Variants in TRAPPC4 observed in about 807,000 individuals in gnomAD.
TRAPPC4 encodes the protein trafficking protein particle complex subunit 4, also known as TRS23 homolog.
Under a neutral mutation model 23.5 loss-of-function variants are expected in TRAPPC4, and 30 were observed. That is an observed-to-expected ratio of 1.28 (90% CI 0.96 to 1.73). TRAPPC4 has a LOEUF of 1.73. Among genes scored for constraint, TRAPPC4 ranks in the 40% most tolerant of loss-of-function variants. The probability of loss-of-function intolerance (pLI) is 0.00; values close to 1 mark genes in which losing one functional copy is unlikely to be tolerated. For missense variants in TRAPPC4, 252 were observed against 268.9 expected (o/e 0.94, Z 0.44); for synonymous variants, 129 against 105.3 (o/e 1.23, Z -1.38).
At chr11:119,020,339 A>G (rs782299558) in intron 3 of TRAPPC4, 86 bp downstream of exon 3, 1 of 1,122,194 alleles carries the variant, frequency 8.9e-7, no homozygotes, top group South Asian at 1.3e-5. Flanking sequence ...GGTGGGCCAG[A>G]GGAGTGTGGT....
chr11:119,019,272 G>T lies in TRAPPC4; in HGVS notation c.305G>T (p.Arg102Leu). The stretch of plus-strand genomic sequence containing the variant: ...GTGTCCATTCGATTTGGCCGGCCCC[G>T]CCTCACTTCTAATGAGAAGCTTATG... ...YPVSIRFGRP[R>L]LTSNEKLMLA... Residue 102 changes from arginine to leucine, a missense_variant, in exon 2 of 5, where the codon CGC becomes CTC. Physicochemically the swap from Arg to Leu is moderately radical, Grantham distance 102. Around this residue, in one of 3 missense-constraint regions of TRAPPC4, gnomAD observed 222 missense variants for 217.8 expected, o/e 1.02. Transcript: ENST00000533632. 6.2e-7 allele frequency: 1 copy of T among 1,614,154 alleles called. No individual in the cohort carries two copies. The highest frequency in any genetic ancestry group is 8.5e-7 in the Non-Finnish European group (1 of 1,180,028).
At chr11:119,022,424 CA>C (rs1049551202) in intron 4 of TRAPPC4, among the ~76,000 whole-genome samples, 230 of 132,122 alleles carry the variant, frequency 1.7e-3, no homozygotes, top group East Asian at 5.4e-3. Context: ...CCCATCTTTA[CA>C]AAAAAAAAAA....
intron 2 of TRAPPC4, 162 bp downstream of exon 2, chr11:119,019,479 T>C: frequency 1.3e-6 from 1 of 742,382 alleles, no homozygotes; most frequent in Non-Finnish European, 2.1e-6. Context: ...GGCCGCGGAG[T>C]TACCCAGGCT....
intron 4 of TRAPPC4, among the ~76,000 whole-genome samples, chr11:119,022,381 A>G (rs953156747): frequency 2.0e-5 from 3 of 152,196 alleles, no homozygotes; most frequent in African/African-American, 4.8e-5. Flanking sequence ...ACTTCAGCCC[A>G]GGAGTTTGAG....
At chr11:119,019,526 C>T in intron 2 of TRAPPC4, 2 of 555,894 alleles carry the variant, frequency 3.6e-6, no homozygotes, top group East Asian at 3.2e-5. Context: ...ACTGCAGCCT[C>T]TGCCTCCCAG....
chr11:119,021,511 T>C (rs1186118027), intron 3 of TRAPPC4: 4 of 346,112 alleles, frequency 1.2e-5, no homozygotes, highest in Non-Finnish European at 2.1e-5. Flanking sequence ...CCAAAACTGT[T>C]AGTAAGTGGC....
At chr11:119,019,097 A>C in intron 1 of TRAPPC4, 46 bp from the exon 2 acceptor site, 1 of 1,601,292 alleles carries the variant, frequency 6.2e-7, no homozygotes, top group Middle Eastern at 1.7e-4. Flanking sequence ...CCCTCGGCGG[A>C]ATCCCCGGGC....
chr11:119,023,072 C>A (rs942287897), intron 4 of TRAPPC4: 4 of 270,760 alleles, frequency 1.5e-5, no homozygotes, highest in African/African-American at 9.0e-5. Flanking sequence ...TCAGGCGATT[C>A]TTTTGTCTCA....
In TRAPPC4 at chr11:119,023,654, C is replaced by T; in HGVS notation, c.*255C>T. On this transcript the variant is annotated 3_prime_UTR_variant, in exon 5 of 5. Transcript: ENST00000533632. Reference sequence around the variant, plus strand: ...TCCATAAATGTTGTAATAAATATTCCTTTGATCTTGGTGTTTGCAATCTGT... The same window carrying T: ...TCCATAAATGTTGTAATAAATATTCTTTTGATCTTGGTGTTTGCAATCTGT... 3.0e-6 allele frequency: 1 copy of T among 330,684 alleles called. No individual in the cohort carries two copies. Among genetic ancestry groups the T allele is most frequent in the South Asian group, 7.8e-5 (1 of 12,854 alleles). 20.5% of individuals were successfully genotyped at this position (330,684 alleles called of 1,614,324 possible).
At chr11:119,022,280 G>A (rs1592101488) in intron 4 of TRAPPC4, among the ~76,000 whole-genome samples, 1 of 152,150 alleles carries the variant, frequency 6.6e-6, no homozygotes, top group Non-Finnish European at 1.5e-5. Flanking sequence ...CACTGCGCCC[G>A]GCCGAGTATT....
At chr11:119,019,460 G>A in intron 2 of TRAPPC4, 143 bp downstream of exon 2, 1 of 912,636 alleles carries the variant, frequency 1.1e-6, no homozygotes, top group African/African-American at 1.7e-5. Flanking sequence ...TTTTTGCTGG[G>A]TGGGGAGGGG....
Position 119,020,269 on chromosome 11 carries a change from G to C in TRAPPC4, c.454+16G>C. ...ACACTGACAGGTATGCATCTCCACG[G>C]AGGCCAGAGGAGTGTGATGGAGAAG... is the stretch of plus-strand genomic sequence containing the variant. On this transcript the variant is annotated intron_variant, in intron 3 of 4. Transcript: ENST00000533632. 6.3e-7 allele frequency: 1 copy of C among 1,590,488 alleles called. No homozygotes were observed. The highest frequency in any genetic ancestry group is 8.6e-7 in the Non-Finnish European group (1 of 1,161,620).
intron 4 of TRAPPC4, among the ~76,000 whole-genome samples, chr11:119,022,295 TTAAG>T (rs927728521): frequency 3.3e-5 from 5 of 152,148 alleles, no homozygotes. Flanking sequence ...AGTATTACTT[TTAAG>T]TAAGACACAA....
At position 119,023,637 on chromosome 11, in the gene TRAPPC4, T is replaced by G. The variant is rs911239601; in HGVS notation, c.*238T>G. On this transcript the variant is annotated 3_prime_UTR_variant, in exon 5 of 5. Transcript: ENST00000533632. ...TTTATGGAGGAGCTAGGTCCATAAA[T>G]GTTGTAATAAATATTCCTTTGATCT... 1.1e-5 allele frequency: 4 copies of G among 376,098 alleles called. No homozygotes were observed. The highest frequency in any genetic ancestry group is 6.0e-5 in the African/African-American group (3 of 49,688). 23.3% of individuals were successfully genotyped at this position (376,098 alleles called of 1,614,324 possible).
At chr11:119,019,471 C>T (rs1462777089) in intron 2 of TRAPPC4, 154 bp downstream of exon 2, 3 of 807,340 alleles carry the variant, frequency 3.7e-6, no homozygotes, top group African/African-American at 3.5e-5. Flanking sequence ...TGGGGAGGGG[C>T]CGCGGAGTTA....
intron 2 of TRAPPC4, 183 bp from the exon 3 acceptor site, chr11:119,019,967 G>T (rs767601327): frequency 1.9e-6 from 1 of 525,442 alleles, no homozygotes; most frequent in South Asian, 2.7e-5. Flanking sequence ...AACAAAGTAT[G>T]AATGTAAAAT....
At chr11:119,021,936 C>T (rs1943369611) in intron 4 of TRAPPC4, 50 bp downstream of exon 4, 1 of 1,601,950 alleles carries the variant, frequency 6.2e-7, no homozygotes, top group Non-Finnish European at 8.5e-7. Context: ...TTGCCCCTCC[C>T]TGTGTGCTCT....
intron 1 of TRAPPC4, 41 bp from the exon 2 acceptor site, chr11:119,019,102 C>G (rs1943256146): frequency 6.2e-7 from 1 of 1,602,610 alleles, no homozygotes; most frequent in African/African-American, 1.3e-5. Context: ...GGCGGAATCC[C>G]CGGGCTGCAC....
chr11:119,020,110 C>A (rs781835159), intron 2 of TRAPPC4, 40 bp from the exon 3 acceptor site: 2 of 1,470,072 alleles, frequency 1.4e-6, no homozygotes, highest in South Asian at 1.1e-5. Context: ...GTTTGAGAAG[C>A]ACTCCTTCCT....
Sources: gnomAD v4.1 joint callset for allele counts (sites outside exome capture counted in the v4.1 genomes callset) on GRCh38, gnomAD v4.1.1 for gene constraint, gnomAD v4.1.1 regional missense constraint, MANE v1.5 for transcripts, NCBI Gene and HGNC (gene_info 2026-07-23, HGNC 2026-07-21) for gene names.